TBC1D16: variants seen among roughly 807,000 people sequenced by gnomAD.
The protein encoded by TBC1D16 is CTD-2529O21.1.
A neutral mutation model predicts 74.7 loss-of-function variants in TBC1D16; 58 were observed. That is an observed-to-expected ratio of 0.78 (90% CI 0.63 to 0.97). TBC1D16 has a LOEUF of 0.97. TBC1D16 is among the 50% of genes least tolerant of loss of function. TBC1D16 has a pLI of 0.00. For missense variants in TBC1D16, 1,014 were observed against 1,079.5 expected, an observed-to-expected ratio of 0.94 and a Z score of 0.85; for synonymous variants, 493 against 474.7, an observed-to-expected ratio of 1.04 and a Z score of -0.50.
intron 3 of TBC1D16, among the ~76,000 whole-genome samples, chr17:79,974,251 CTTTT>C (rs1568602323): frequency 1.3e-5 from 2 of 151,226 alleles, no homozygotes; most frequent in Admixed American, 1.3e-4. Context: ...TTTTTTTTCT[CTTTT>C]TTGAGACGGA....
chr17:79,945,063 GC>G lies in TBC1D16; in HGVS notation c.1752del (p.Leu585Ter). ...KQLLYLRELL[R>X]LTHVRFYQHL... is the part of the protein sequence containing the mutation. ...TGCTGGTAGAAGCGCACGTGCGTCA[GC>G]CGCAGCAGCTCGCGCAGGTACAGCT... On this transcript the variant is annotated frameshift_variant, in exon 10 of 12. Transcript: ENST00000310924. LOFTEE classifies it high-confidence loss of function. 6.3e-7 allele frequency: 1 copy of G among 1,585,562 alleles called. No individual in the cohort carries two copies.
rs1329981728 is a variant in TBC1D16, at chr17:79,993,114, G to A, written c.779+17046C>T. 6.6e-6 allele frequency among the ~76,000 whole-genome samples: 1 copy of A among 152,208 alleles called. No homozygotes were observed. The highest frequency in any genetic ancestry group is 1.5e-5 in the Non-Finnish European group (1 of 68,040). ...GGGGAGCACTAGCGCCAGCCCCATT[G>A]TGCAGAGGGGAAACTGAGGCAATGA... On this transcript the variant is annotated intron_variant, in intron 3 of 11. Transcript: ENST00000310924. This position sits in a 1 kb window ranked among gnomAD's most constrained non-coding sequence, Gnocchi z 5.1.
rs2034565694 is a variant in TBC1D16, at chr17:79,981,208, C to G, written c.780-28390G>C. Among the ~76,000 whole-genome samples, 1 of 152,208 alleles carries G rather than the reference C, an allele frequency of 6.6e-6. No individual in the cohort carries two copies. On this transcript the variant is annotated intron_variant, in intron 3 of 11. Transcript: ENST00000310924. The surrounding 1 kb of genome is among the most constrained non-coding windows in gnomAD (Gnocchi z 6.9). ...ACTCGGCTTTTCCCATCCCCTGGGC[C>G]TAGTTTCAGGGGAGCCAGCATCTTC... is the stretch of plus-strand genomic sequence containing the variant.
At chr17:80,029,028 C>CA (rs2036684858) in intron 1 of TBC1D16, among the ~76,000 whole-genome samples, 1 of 152,132 alleles carries the variant, frequency 6.6e-6, no homozygotes, top group African/African-American at 2.4e-5. Flanking sequence ...CATTCCTCAA[C>CA]AAAAATACAC....
chr17:80,028,758 G>A (rs1375813903), intron 1 of TBC1D16, among the ~76,000 whole-genome samples: 5 of 151,212 alleles, frequency 3.3e-5, no homozygotes, highest in South Asian at 2.1e-4. Flanking sequence ...TTACAGGCGC[G>A]CGCCACCACA....
chr17:80,031,377 C>A (rs1192229850), intron 1 of TBC1D16, among the ~76,000 whole-genome samples: 1 of 152,206 alleles, frequency 6.6e-6, no homozygotes, highest in Non-Finnish European at 1.5e-5. Flanking sequence ...TATGCAGAAG[C>A]GAGAACGGGA....
At chr17:80,027,573 G>A (rs1471786380) in intron 1 of TBC1D16, among the ~76,000 whole-genome samples, 2 of 152,054 alleles carry the variant, frequency 1.3e-5, no homozygotes, top group African/African-American at 2.4e-5. Flanking sequence ...ACTGCAGCCT[G>A]GGTGACAGAG....
chr17:79,978,142 A>G (rs1287202170), intron 3 of TBC1D16, among the ~76,000 whole-genome samples: 2 of 152,190 alleles, frequency 1.3e-5, no homozygotes, highest in Non-Finnish European at 2.9e-5. Flanking sequence ...GCACCGAGAC[A>G]GCCTGGCTTT....
chr17:79,962,812 A>G (rs545919305), intron 3 of TBC1D16, among the ~76,000 whole-genome samples: 1 of 151,982 alleles, frequency 6.6e-6, no homozygotes, highest in East Asian at 2.0e-4. Flanking sequence ...CTGTAACCCC[A>G]GCACTTTGGG....
At position 79,979,655 on chromosome 17, in the gene TBC1D16, T is replaced by C. The variant is rs1056159293; in HGVS notation, c.780-26837A>G. The stretch of plus-strand genomic sequence containing the variant: ...GCACACGTCGACCTTCACTGTTTCC[T>C]GCAAACACAGCTGGGACATCAGCCC... On this transcript the variant is annotated intron_variant, in intron 3 of 11. Coordinates refer to ENST00000310924, the MANE Select transcript of TBC1D16 (RefSeq NM_019020.4). This position sits in a 1 kb window ranked among gnomAD's most constrained non-coding sequence, Gnocchi z 4.8. Among the ~76,000 whole-genome samples the C allele has an allele frequency of 6.6e-6, 1 of 151,966 alleles. No individual in the cohort carries two copies. Among genetic ancestry groups the C allele is most frequent in the Non-Finnish European group, 1.5e-5 (1 of 67,998 alleles).
intron 5 of TBC1D16, among the ~76,000 whole-genome samples, chr17:79,951,123 C>T (rs2033018651): frequency 6.6e-6 from 1 of 152,216 alleles, no homozygotes; most frequent in African/African-American, 2.4e-5. Flanking sequence ...ATTTTAAAAT[C>T]GGCCCCATTT....
At position 79,944,422 on chromosome 17, in the gene TBC1D16, G is replaced by A. The variant is rs893779861; in HGVS notation, c.1908+486C>T. ...TGAGAAGATGCTGGTGACGGTGGAC[G>A]GAGAGTGGAAGTCGGTATCACTGAT... On this transcript the variant is annotated intron_variant, in intron 10 of 11. Transcript: ENST00000310924. This position sits in a 1 kb window ranked among gnomAD's most constrained non-coding sequence, Gnocchi z 7.7. Among the ~76,000 whole-genome samples, 4 of 152,212 alleles carry A rather than the reference G, an allele frequency of 2.6e-5. No individual in the cohort carries two copies. The highest frequency in any genetic ancestry group is 7.2e-5 in the African/African-American group (3 of 41,450).
chr17:79,946,740 G>T (rs1318997262), intron 9 of TBC1D16, among the ~76,000 whole-genome samples: 2 of 152,198 alleles, frequency 1.3e-5, no homozygotes, highest in Non-Finnish European at 2.9e-5. Flanking sequence ...TCTGGTCCAG[G>T]AAGACCAGGT....
rs866468284 is a variant in TBC1D16, at chr17:79,990,160, C to T, written c.779+20000G>A. On this transcript the variant is annotated intron_variant, in intron 3 of 11. Transcript: ENST00000310924. This position sits in a 1 kb window ranked among gnomAD's most constrained non-coding sequence, Gnocchi z 4.8. ...ACATGAACCAGCTTTCAGAGTCTAA[C>T]GACTAGATTTGACTTTCAGCTGCTC... Among the ~76,000 whole-genome samples, 17 of 152,232 alleles carry T rather than the reference C, an allele frequency of 1.1e-4. No homozygotes were observed. Among genetic ancestry groups the T allele is most frequent in the African/African-American group, 3.6e-4 (15 of 41,454 alleles).
chr17:79,947,863 G>A (rs2032688097), intron 8 of TBC1D16, 32 bp from the exon 9 acceptor site: 1 of 1,593,890 alleles, frequency 6.3e-7, no homozygotes, highest in Non-Finnish European at 8.6e-7. Context: ...AGTGGGTGGG[G>A]ATGACCCTCA....
Position 79,975,316 on chromosome 17 carries a change from T to C in TBC1D16, c.780-22498A>G, listed in dbSNP as rs906787646. On this transcript the variant is annotated intron_variant, in intron 3 of 11. Transcript: ENST00000310924. This position sits in a 1 kb window ranked among gnomAD's most constrained non-coding sequence, Gnocchi z 4.5. ...CTACCTGGATTGGAACGCCCAGCTT[T>C]GTACAGCCTGAGCTCTGGCCGACTG... Among the ~76,000 whole-genome samples, 1 of 152,234 alleles carries C rather than the reference T, an allele frequency of 6.6e-6. No individual in the cohort carries two copies. Among genetic ancestry groups the C allele is most frequent in the African/African-American group, 2.4e-5 (1 of 41,452 alleles).
chr17:79,943,803 A>G (rs2032259292), intron 10 of TBC1D16: 1 of 1,289,670 alleles, frequency 7.8e-7, no homozygotes, highest in East Asian at 3.6e-5. Flanking sequence ...CCACGCGCTG[A>G]GTTCACGGGT....
chr17:80,030,799 G>A (rs1353260378), intron 1 of TBC1D16, among the ~76,000 whole-genome samples: 1 of 152,136 alleles, frequency 6.6e-6, no homozygotes, highest in African/African-American at 2.4e-5. Context: ...GGGGCCACGG[G>A]ACGCAGCCCA....
rs2031504133 is a variant in TBC1D16, at chr17:79,935,167, C to G, written c.*5692G>C. 1 of 152,270 alleles carries G rather than the reference C, an allele frequency of 6.6e-6. No individual in the cohort carries two copies. The highest frequency in any genetic ancestry group is 1.5e-5 in the Non-Finnish European group (1 of 68,062). 9.4% of individuals were successfully genotyped at this position (152,270 alleles called of 1,614,324 possible). A position where few individuals can be genotyped will look rare whatever the true frequency, so the allele number is the denominator to read the frequency against. On this transcript the variant is annotated 3_prime_UTR_variant, in exon 12 of 12. Coordinates refer to ENST00000310924, the MANE Select transcript of TBC1D16 (RefSeq NM_019020.4). ...CCGGCAGCCAAGGCTCAATAAAATA[C>G]TGTTTGTGTTTCCAGGCACTGGGGT...
Sources: allele counts gnomAD v4.1 joint callset (sites outside exome capture counted in the v4.1 genomes callset), GRCh38; gene constraint gnomAD v4.1.1; non-coding constraint Gnocchi (gnomAD v3.1); transcripts MANE v1.5; gene names NCBI Gene and HGNC (gene_info 2026-07-23, HGNC 2026-07-21).